AKAP17A: variants seen among roughly 807,000 people sequenced by gnomAD.
AKAP17A encodes the protein A-kinase anchor protein 17A.
A neutral mutation model predicts 52.2 loss-of-function variants in AKAP17A; 15 were observed. The ratio of observed to expected loss-of-function variants is 0.29; its 90% confidence interval spans 0.19 to 0.44. The LOEUF is 0.44. Among genes scored for constraint, AKAP17A ranks in the 20% least tolerant of loss-of-function variants. The pLI, the probability that AKAP17A is intolerant of heterozygous loss-of-function variation, is 1.00. For missense variants in AKAP17A, 1,060 were observed against 1,007.0 expected (o/e 1.05, Z -0.71); for synonymous variants, 514 against 424.7 (o/e 1.21, Z -2.58).
intron 4 of AKAP17A, 82 bp from the exon 5 acceptor site, chrX:1,600,577 C>G (rs1933304660): frequency 1.5e-6 from 2 of 1,368,598 alleles, no homozygotes; most frequent in South Asian, 1.4e-5. Flanking sequence ...CATGGGGCCT[C>G]CAAACACCTT....
chrX:1,601,140 G>C lies in AKAP17A; in HGVS notation c.1634G>C (p.Gly545Ala), dbSNP rs748662344. The change falls in exon 5 of 5, where the codon GGC (glycine) becomes GCC (alanine). Residue 545 changes from glycine to alanine, a missense_variant. Gly to Ala is a moderately conservative substitution (Grantham distance 60). Coordinates refer to ENST00000313871, the MANE Select transcript of AKAP17A (RefSeq NM_005088.3). Reference protein sequence around the residue: ...DGSPEKRCPGGVLSCIPDNNQ... With the variant: ...DGSPEKRCPGAVLSCIPDNNQ... ...TCTCCAGAGAAGAGGTGCCCGGGCGGCGTCCTCTCCTGCATTCCTGACAAC... is the reference window on the plus strand; with the variant it reads ...TCTCCAGAGAAGAGGTGCCCGGGCGCCGTCCTCTCCTGCATTCCTGACAAC... The C allele has an allele frequency of 1.4e-4, 225 of 1,613,780 alleles. 1 individual carries two copies. In the South Asian group the frequency reaches 2.3e-3, roughly 16 times the overall value.
intron 2 of AKAP17A, 115 bp downstream of exon 2, chrX:1,594,339 G>A (rs1233557950): frequency 3.5e-5 from 45 of 1,271,382 alleles, no homozygotes; most frequent in Non-Finnish European, 4.6e-5. Context: ...CCTCCCCTAA[G>A]TAAAATGGCA....
In AKAP17A at chrX:1,600,981, C is replaced by G; in HGVS notation, c.1475C>G (p.Pro492Arg). 1 of 1,595,734 alleles carries G rather than the reference C, an allele frequency of 6.3e-7. No individual in the cohort carries two copies. The highest frequency in any genetic ancestry group is 8.5e-7 in the Non-Finnish European group (1 of 1,172,604). The change falls in exon 5 of 5, where the codon CCG becomes CGG. Residue 492 changes from proline to arginine, a missense_variant. Pro to Arg is a moderately radical substitution (Grantham distance 103, BLOSUM62 -2). Transcript: ENST00000313871. ...TTLHPLGGQP[P>R]AGAPKESPAH... Reference sequence around the variant, plus strand: ...CTGCACCCCCTCGGGGGCCAGCCCCCGGCCGGTGCCCCCAAGGAGAGCCCG... The same window carrying G: ...CTGCACCCCCTCGGGGGCCAGCCCCGGGCCGGTGCCCCCAAGGAGAGCCCG...
Position 1,593,616 on chromosome X carries a change from A to T in AKAP17A, c.154A>T (p.Met52Leu). Residue 52 changes from methionine (M) to leucine (L), a missense_variant, in exon 2 of 5, where the codon ATG becomes TTG. This residue lies in a region of AKAP17A where 267 missense variants were observed against 377.1 expected (regional missense o/e 0.71). Coordinates refer to ENST00000313871, the MANE Select transcript of AKAP17A (RefSeq NM_005088.3). The part of the protein sequence containing the change: ...PGKSISNWEV[M>L]ERLKGMVQNH... ...GAAGTCCATCTCCAACTGGGAGGTG[A>T]TGGAGAGGCTGAAGGGCATGGTGCA... The T allele has an allele frequency of 6.2e-7, 1 of 1,613,844 alleles. No individual in the cohort carries two copies.
rs750579833 is a variant in AKAP17A, at chrX:1,594,162, C to T, written c.700C>T (p.Leu234=). ...YMGFIQAMSA[L]RGMKLMYKGE... is the part of the protein sequence containing the mutation. ...GGGCTTCATCCAGGCCATGAGCGCC[C>T]TGCGCGGGATGAAACTCATGTACAA... Residue 234 remains leucine (L), a synonymous_variant, in exon 2 of 5, where the codon CTG becomes TTG. Coordinates refer to ENST00000313871, the MANE Select transcript of AKAP17A (RefSeq NM_005088.3). 1.2e-6 allele frequency: 2 copies of T among 1,601,866 alleles called. No individual in the cohort carries two copies. Among genetic ancestry groups the T allele is most frequent in the African/African-American group, 2.7e-5 (2 of 74,574 alleles).
chrX:1,592,412 G>C (rs532680225), intron 1 of AKAP17A, among the ~76,000 whole-genome samples: 1 of 151,980 alleles, frequency 6.6e-6, no homozygotes, highest in Admixed American at 6.6e-5. Context: ...CAGGTGTACC[G>C]GGGTGGTCGG....
At chrX:1,599,647 T>C (rs377575986) in intron 4 of AKAP17A, 1 of 766,210 alleles carries the variant, frequency 1.3e-6, no homozygotes, top group Non-Finnish European at 2.2e-6. Flanking sequence ...GGTTTCCTTT[T>C]GCAAAGCTGG....
In AKAP17A at chrX:1,600,641, C is replaced by G; in HGVS notation, c.1153-18C>G. ...GGCTCAGGAACCGGGCTCAGCTGCA[C>G]TTTCCTCTTCCCCGCAGGCTGTGAA... On this transcript the variant is annotated intron_variant, in intron 4 of 4. Coordinates refer to ENST00000313871, the MANE Select transcript of AKAP17A (RefSeq NM_005088.3). 6.6e-7 allele frequency: 1 copy of G among 1,521,436 alleles called. No individual in the cohort carries two copies. Among genetic ancestry groups the G allele is most frequent in the Non-Finnish European group, 8.8e-7 (1 of 1,133,126 alleles). The allele number at this position is 1,521,436 out of a possible 1,614,324, so 94.2% of individuals were successfully genotyped here. A position where few individuals can be genotyped will look rare whatever the true frequency, so the allele number is the denominator to read the frequency against.
In AKAP17A at chrX:1,591,767, C is replaced by T. The variant is rs1222903429; in HGVS notation, c.-22C>T. 2 of 151,544 alleles carry T rather than the reference C, an allele frequency of 1.3e-5. No individual in the cohort carries two copies. Among genetic ancestry groups the T allele is most frequent in the African/African-American group, 2.4e-5 (1 of 41,236 alleles). 9.4% of individuals were successfully genotyped at this position (151,544 alleles called of 1,614,324 possible). A position where few individuals can be genotyped will look rare whatever the true frequency, so the allele number is the denominator to read the frequency against. On this transcript the variant is annotated splice_region_variant and 5_prime_UTR_variant, in exon 1 of 5. Transcript: ENST00000313871. ...CCTGGGACGCAGGCGGAGCCCCGCG[C>T]AGGTGAGTGCCGCCCCCGTGCCTCC...
intron 3 of AKAP17A, among the ~76,000 whole-genome samples, chrX:1,597,057 C>CAGAGG (rs1676457258): frequency 6.6e-6 from 1 of 152,218 alleles, no homozygotes; most frequent in Non-Finnish European, 1.5e-5. Flanking sequence ...CTGGGGGGCT[C>CAGAGG]CTGGACAGCC....
chrX:1,597,958 C>T (rs1297493841), intron 3 of AKAP17A, among the ~76,000 whole-genome samples: 7 of 152,140 alleles, frequency 4.6e-5, no homozygotes, highest in Non-Finnish European at 1.0e-4. Flanking sequence ...CCGCTGTCCC[C>T]CACTGTCCTT....
chrX:1,595,832 CATG>C (rs1399219626), intron 3 of AKAP17A, among the ~76,000 whole-genome samples: 1 of 151,612 alleles, frequency 6.6e-6, no homozygotes, highest in Non-Finnish European at 1.5e-5. Flanking sequence ...CGTGTGCCCA[CATG>C]TGTGTGCTTC....
chrX:1,599,567 G>C, intron 4 of AKAP17A, 135 bp downstream of exon 4: 1 of 1,214,524 alleles, frequency 8.2e-7, no homozygotes, highest in Non-Finnish European at 1.2e-6. Context: ...CTTTAATGCC[G>C]AGGATGACGG....
At chrX:1,595,361 T>G (rs759881922) in intron 2 of AKAP17A, 23 bp from the exon 3 acceptor site, 12 of 1,612,956 alleles carry the variant, frequency 7.4e-6, no homozygotes, top group Middle Eastern at 1.8e-4. Context: ...GAAGGCCATC[T>G]GACACTGTTT....
At chrX:1,598,679 C>G (rs1243980664) in intron 3 of AKAP17A, among the ~76,000 whole-genome samples, 3 of 152,134 alleles carry the variant, frequency 2.0e-5, no homozygotes, top group African/African-American at 4.8e-5. Context: ...GTGCAAGGAG[C>G]TGAGTGGCGT....
intron 2 of AKAP17A, 113 bp from the exon 3 acceptor site, chrX:1,595,271 G>A: frequency 1.4e-6 from 2 of 1,394,348 alleles, no homozygotes; most frequent in African/African-American, 1.5e-5. Context: ...TGAGCGGTGA[G>A]CGGGCGCTCA....
At position 1,601,450 on chromosome X, in the gene AKAP17A, G is replaced by T. The variant is rs778392654; in HGVS notation, c.1944G>T (p.Arg648Ser). The T allele has an allele frequency of 1.3e-6, 2 of 1,573,978 alleles. No individual in the cohort carries two copies. Among genetic ancestry groups the T allele is most frequent in the Non-Finnish European group, 1.7e-6 (2 of 1,167,672 alleles). The change falls in exon 5 of 5, where the codon AGG (arginine) becomes AGT (serine). Residue 648 changes from arginine (R) to serine (S), a missense_variant. Arg to Ser is a moderately radical substitution (Grantham distance 110, BLOSUM62 -1). This residue lies in a region of AKAP17A where 793 missense variants were observed against 629.9 expected (regional missense o/e 1.26). Transcript: ENST00000313871. ...GCCCGGACCACACCCGGTCCCGGAG[G>T]TCCCACAGCAAAGACAGGCACCGGA... ...STSPDHTRSR[R>S]SHSKDRHRRE...
In AKAP17A at chrX:1,601,664, T is replaced by A; in HGVS notation, c.*70T>A. On this transcript the variant is annotated 3_prime_UTR_variant, in exon 5 of 5. Coordinates refer to ENST00000313871, the MANE Select transcript of AKAP17A (RefSeq NM_005088.3). Reference sequence around the variant, plus strand: ...CCTGCTCGAGCCTCCTGGCCGCTCCTTGGCCGCTCTCCGTCCACCCCTGCA... The same window carrying A: ...CCTGCTCGAGCCTCCTGGCCGCTCCATGGCCGCTCTCCGTCCACCCCTGCA... 7.6e-7 allele frequency: 1 copy of A among 1,324,268 alleles called. No homozygotes were observed. Among genetic ancestry groups the A allele is most frequent in the Non-Finnish European group, 9.7e-7 (1 of 1,030,178 alleles). The allele number at this position is 1,324,268 out of a possible 1,614,324, so 82.0% of individuals were successfully genotyped here.
Position 1,599,356 on chromosome X carries a change from AG to A in AKAP17A, c.1078del (p.Glu360SerfsTer27). The A allele has an allele frequency of 6.3e-7, 1 of 1,593,762 alleles. No homozygotes were observed. The highest frequency in any genetic ancestry group is 8.5e-7 in the Non-Finnish European group (1 of 1,171,280). On this transcript the variant is annotated frameshift_variant, in exon 4 of 5. Transcript: ENST00000313871. LOFTEE classifies it high-confidence loss of function. ...CAGCTGCAGGAGAAGATCAAGCTGG[AG>A]GAGCGCAAGCTGCTGCTGGCCCAGA... ...QKQLQEKIKL[E>X]ERKLLLAQRN...
Sources: gnomAD v4.1 joint callset for allele counts (sites outside exome capture counted in the v4.1 genomes callset) on GRCh38, gnomAD v4.1.1 for gene constraint, gnomAD v4.1.1 regional missense constraint, MANE v1.5 for transcripts, NCBI Gene and HGNC (gene_info 2026-07-23, HGNC 2026-07-21) for gene names.